ULK1: variants seen among roughly 807,000 people sequenced by gnomAD.
ULK1 encodes the protein serine/threonine-protein kinase ULK1.
A neutral mutation model predicts 117.5 loss-of-function variants in ULK1; 48 were observed. The ratio of observed to expected loss-of-function variants is 0.41; its 90% CI spans 0.32 to 0.52. The LOEUF (loss-of-function observed/expected upper bound fraction) is 0.52, where lower values mean the gene tolerates loss of function less well. Ranked by LOEUF, ULK1 falls within the 20% of genes least tolerant of loss-of-function variation. ULK1 has a pLI of 0.29. For missense variants in ULK1, 1,387 were observed against 1,473.4 expected (o/e 0.94, Z 0.96); for synonymous variants, 790 against 637.8 (o/e 1.24, Z -3.60).
At position 131,903,358 on chromosome 12, in the gene ULK1, G is replaced by A. The variant is rs1211874072; in HGVS notation, c.247-3534G>A. On this transcript the variant is annotated intron_variant, in intron 3 of 27. Transcript: ENST00000321867. This position sits in a 1 kb window ranked among gnomAD's most constrained non-coding sequence, Gnocchi z 6.0. Reference sequence around the variant, plus strand: ...TGGGCAGAGTGAGGACAGGACTCCAGCCCACCTGCTTGGGCTGTGCTGCCA... The same window carrying A: ...TGGGCAGAGTGAGGACAGGACTCCAACCCACCTGCTTGGGCTGTGCTGCCA... Among the ~76,000 whole-genome samples the A allele has an allele frequency of 6.6e-6, 1 of 152,208 alleles. No homozygotes were observed. The highest frequency in any genetic ancestry group is 6.5e-5 in the Admixed American group (1 of 15,278).
intron 22 of ULK1, chr12:131,918,173 A>C: frequency 2.3e-6 from 1 of 432,434 alleles, no homozygotes; most frequent in Non-Finnish European, 4.2e-6. Context: ...CCACGCACCT[A>C]CCCCATTCCA....
At chr12:131,911,666 A>T (rs1306675245) in intron 12 of ULK1, among the ~76,000 whole-genome samples, 5 of 152,106 alleles carry the variant, frequency 3.3e-5, no homozygotes, top group East Asian at 1.9e-4. Context: ...GGCCTCCCAG[A>T]GCTTCTGGGA....
chr12:131,907,023 T>G, intron 4 of ULK1, 99 bp downstream of exon 4: 2 of 1,513,274 alleles, frequency 1.3e-6, no homozygotes, highest in South Asian at 1.2e-5. Flanking sequence ...GATGAGCACC[T>G]TTTCTTTTTT....
chr12:131,899,928 G>A (rs1239871128), intron 3 of ULK1, among the ~76,000 whole-genome samples: 1 of 152,112 alleles, frequency 6.6e-6, no homozygotes, highest in Non-Finnish European at 1.5e-5. Flanking sequence ...GACTATCCTG[G>A]CCAACATGGT....
chr12:131,906,515 A>T (rs1055170748), intron 3 of ULK1: 1 of 238,404 alleles, frequency 4.2e-6, no homozygotes, highest in South Asian at 6.3e-5. Flanking sequence ...AGCCACTGCG[A>T]CCAGCCCTGT....
At chr12:131,912,743 T>C (rs1889595469) in intron 13 of ULK1, among the ~76,000 whole-genome samples, 1 of 152,166 alleles carries the variant, frequency 6.6e-6, no homozygotes, top group South Asian at 2.1e-4. Context: ...GGGGAGGGCC[T>C]TGGTCCTTTG....
At chr12:131,913,893 T>C (rs769310805) in intron 15 of ULK1, 57 bp downstream of exon 15, 39 of 1,384,366 alleles carry the variant, frequency 2.8e-5, no homozygotes, top group Non-Finnish European at 3.7e-5. Context: ...CGGCTGGAGG[T>C]TGGGCTTCCT....
In ULK1 at chr12:131,918,281, G is replaced by C. The variant is rs1328004271; in HGVS notation, c.2327-216G>C. 9 of 613,352 alleles carry C rather than the reference G, an allele frequency of 1.5e-5. No homozygotes were observed. The Admixed American group carries it at 1.9e-4, about 13-fold the overall frequency. 38.0% of individuals were successfully genotyped at this position (613,352 alleles called of 1,614,324 possible). ...GCACCGCAGCCCTTGGCCTGAGGTG[G>C]GGAGCTGGGGACTTGGGGGTTGTGG... On this transcript the variant is annotated intron_variant, in intron 22 of 27. Transcript: ENST00000321867.
At position 131,917,596 on chromosome 12, in the gene ULK1, G is replaced by A. The variant is rs373443417; in HGVS notation, c.2326+42G>A. ...CTGAAGCCCTGTCCCTTTTGGGGTG[G>A]TGGCAGCGCCCTAGCGGACGGGGGC... On this transcript the variant is annotated intron_variant, in intron 22 of 27. Transcript: ENST00000321867. The A allele has an allele frequency of 4.3e-5, 58 of 1,349,436 alleles. No homozygotes were observed. In the African/African-American group the frequency reaches 8.1e-4, roughly 19 times the overall value. The allele number at this position is 1,349,436 out of a possible 1,614,324, so 83.6% of individuals were successfully genotyped here. A position where few individuals can be genotyped will look rare whatever the true frequency, so the allele number is the denominator to read the frequency against.
chr12:131,913,247 G>C lies in ULK1; in HGVS notation c.1146G>C (p.Leu382=). 1 of 1,590,802 alleles carries C rather than the reference G, an allele frequency of 6.3e-7. No homozygotes were observed. The highest frequency in any genetic ancestry group is 8.5e-7 in the Non-Finnish European group (1 of 1,170,354). ...APSAKPPPDS[L]MCSGSSLVAS... is the part of the protein sequence containing the mutation. ...GTGCCAAACCCCCGCCAGACAGCCTGATGTGCAGTGGGTGAGCCCCCATCC... is the reference window on the plus strand; with the variant it reads ...GTGCCAAACCCCCGCCAGACAGCCTCATGTGCAGTGGGTGAGCCCCCATCC... The change falls in exon 14 of 28, where the codon CTG becomes CTC. Residue 382 remains leucine, a synonymous_variant. Transcript: ENST00000321867.
rs142271947 is a variant in ULK1 at position 131,917,012 on chromosome 12, C to A, written c.2132C>A (p.Ala711Asp). 21 of 1,574,834 alleles carry A rather than the reference C, an allele frequency of 1.3e-5. No individual in the cohort carries two copies. The highest frequency in any genetic ancestry group is 2.2e-5 in the South Asian group (2 of 90,104). ...CTTAAGGCGGCGTTTGGGACACAAG[C>A]CCCGGACCCGGGCAGCACGGAGAGC... is the stretch of plus-strand genomic sequence containing the variant. The part of the protein sequence containing the change: ...LLLKAAFGTQ[A>D]PDPGSTESLQ... Residue 711 changes from alanine to aspartate, a missense_variant, in exon 21 of 28, where the codon GCC (alanine) becomes GAC (aspartate). Ala to Asp is a moderately radical substitution (Grantham distance 126). This residue lies in a region of ULK1 where 900 missense variants were observed against 858.9 expected (regional missense o/e 1.05). Transcript: ENST00000321867.
At position 131,923,031 on chromosome 12, in the gene ULK1, G is replaced by C. The variant is rs1173677323; in HGVS notation, c.*1670G>C. The C allele has an allele frequency of 6.6e-6, 1 of 152,292 alleles. No homozygotes were observed. Among genetic ancestry groups the C allele is most frequent in the African/African-American group, 2.4e-5 (1 of 41,464 alleles). 9.4% of individuals were successfully genotyped at this position (152,292 alleles called of 1,614,324 possible). A position where few individuals can be genotyped will look rare whatever the true frequency, so the allele number is the denominator to read the frequency against. The stretch of plus-strand genomic sequence containing the variant: ...GGCGCCTCAACTGCTGCCCCTGGTT[G>C]AATGTTCTCTTGATAGTGCTGGACC... On this transcript the variant is annotated 3_prime_UTR_variant, in exon 28 of 28. Coordinates refer to ENST00000321867, the MANE Select transcript of ULK1 (RefSeq NM_003565.4).
At position 131,921,474 on chromosome 12, in the gene ULK1, T is replaced by C. The variant is rs553584916; in HGVS notation, c.*113T>C. On this transcript the variant is annotated 3_prime_UTR_variant, in exon 28 of 28. Transcript: ENST00000321867. ...GGCGCTGATCGCTGGTGCTGAGCCC[T>C]GCCCTGGGCCCCACGGACAGTCAGC... The C allele has an allele frequency of 1.1e-4, 168 of 1,502,884 alleles. 1 individual carries two copies. The African/African-American group carries it at 2.0e-3, about 18-fold the overall frequency. 93.1% of individuals were successfully genotyped at this position (1,502,884 alleles called of 1,614,324 possible). A position where few individuals can be genotyped will look rare whatever the true frequency, so the allele number is the denominator to read the frequency against.
At position 131,906,778 on chromosome 12, in the gene ULK1, A is replaced by C. The variant is rs1889293694; in HGVS notation, c.247-114A>C. 22 of 1,334,610 alleles carry C rather than the reference A, an allele frequency of 1.6e-5. No individual in the cohort carries two copies. The East Asian group carries it at 5.1e-4, about 31-fold the overall frequency. 82.7% of individuals were successfully genotyped at this position (1,334,610 alleles called of 1,614,324 possible). A position where few individuals can be genotyped will look rare whatever the true frequency, so the allele number is the denominator to read the frequency against. ...CTCGTCTCCCGGCCGCTGGCTGACC[A>C]GCTAAGTCCTGGCACTGCAGGGCCT... is the stretch of plus-strand genomic sequence containing the variant. On this transcript the variant is annotated intron_variant, in intron 3 of 27. Coordinates refer to ENST00000321867, the MANE Select transcript of ULK1 (RefSeq NM_003565.4).
intron 17 of ULK1, 33 bp downstream of exon 17, chr12:131,915,264 G>A (rs375612643): frequency 7.8e-5 from 126 of 1,607,132 alleles, no homozygotes; most frequent in African/African-American, 7.2e-4. Context: ...GGGAAGGGGC[G>A]TCTGTAGGCA....
At chr12:131,918,057 T>C (rs1014880114) in intron 22 of ULK1, among the ~76,000 whole-genome samples, 15 of 152,206 alleles carry the variant, frequency 9.9e-5, no homozygotes, top group African/African-American at 3.4e-4. Flanking sequence ...GGGGCTGCCA[T>C]CGCTGGGGTC....
rs1424682477 is a variant in ULK1, at chr12:131,919,603, A to G, written c.2803+13A>G. 5 of 1,609,440 alleles carry G rather than the reference A, an allele frequency of 3.1e-6. No individual in the cohort carries two copies. Among genetic ancestry groups the G allele is most frequent in the Non-Finnish European group, 4.2e-6 (5 of 1,178,642 alleles). The stretch of plus-strand genomic sequence containing the variant: ...ACTGTGAAGCAGGGTGAGGGCTGCG[A>G]CCGCTCAGCCCACATGCCGGGTTGG... On this transcript the variant is annotated intron_variant, in intron 25 of 27. Transcript: ENST00000321867.
chr12:131,901,880 C>T (rs946015075), intron 3 of ULK1, among the ~76,000 whole-genome samples: 1 of 152,114 alleles, frequency 6.6e-6, no homozygotes, highest in Non-Finnish European at 1.5e-5. Flanking sequence ...CTGCAGCTTA[C>T]ACCCCCTGCA....
chr12:131,904,904 C>T (rs1056730788), intron 3 of ULK1, among the ~76,000 whole-genome samples: 4 of 152,224 alleles, frequency 2.6e-5, no homozygotes, highest in East Asian at 1.9e-4. Flanking sequence ...GGGTTCTGCC[C>T]GGAGCTGTCC....
Sources: gnomAD v4.1 joint callset for allele counts (sites outside exome capture counted in the v4.1 genomes callset) on GRCh38, gnomAD v4.1.1 for gene constraint, gnomAD v4.1.1 regional missense constraint, Gnocchi (gnomAD v3.1) non-coding constraint, MANE v1.5 for transcripts, NCBI Gene and HGNC (gene_info 2026-07-23, HGNC 2026-07-21) for gene names.